The following DNAJC11 variants were observed in gnomAD, a reference collection of about 807,000 sequenced individuals.
DNAJC11 encodes the protein dnaJ homolog subfamily C member 11.
In DNAJC11, 15 loss-of-function variants were observed where a neutral mutation model predicts 78.6. The observed-to-expected ratio is 0.19, with a 90% confidence interval of 0.13 to 0.29. DNAJC11 has a LOEUF of 0.29. Among genes scored for constraint, DNAJC11 ranks in the 10% least tolerant of loss-of-function variants. The pLI is 1.00. For synonymous variants in DNAJC11, 292 were observed against 272.1 expected (o/e 1.07, Z -0.72); for missense variants, 547 against 709.6 (o/e 0.77, Z 2.60).
At chr1:6,651,488 A>G (rs1410559655) in intron 7 of DNAJC11, 41 bp downstream of exon 7, 1 of 1,575,072 alleles carries the variant, frequency 6.3e-7, no homozygotes, top group Admixed American at 1.7e-5. Context: ...TCCTAAGCCA[A>G]CAAAGACCAC....
chr1:6,677,308 T>C (rs575003219), intron 3 of DNAJC11, among the ~76,000 whole-genome samples: 2 of 152,280 alleles, frequency 1.3e-5, no homozygotes, highest in East Asian at 1.9e-4. Flanking sequence ...TTCTTTTTTT[T>C]GTGAGACAGG....
chr1:6,663,356 G>A (rs922028251), intron 4 of DNAJC11, among the ~76,000 whole-genome samples: 4 of 152,114 alleles, frequency 2.6e-5, no homozygotes, highest in Non-Finnish European at 4.4e-5. Context: ...ACAAGATCAC[G>A]AAGGAGGCAG....
intron 1 of DNAJC11, among the ~76,000 whole-genome samples, chr1:6,694,377 C>A (rs1030030212): frequency 6.6e-6 from 1 of 152,116 alleles, no homozygotes; most frequent in African/African-American, 2.4e-5. Context: ...AAGATGCCAA[C>A]TCAATTGCCA....
At chr1:6,640,944 TACA>T (rs1022036242) in intron 10 of DNAJC11, among the ~76,000 whole-genome samples, 34 of 152,138 alleles carry the variant, frequency 2.2e-4, no homozygotes, top group African/African-American at 7.2e-4. Context: ...GCATCATAAA[TACA>T]ACAACAGCCT....
At chr1:6,696,005 G>C (rs1028292300) in intron 1 of DNAJC11, among the ~76,000 whole-genome samples, 15 of 152,274 alleles carry the variant, frequency 9.9e-5, no homozygotes, top group African/African-American at 3.6e-4. Context: ...GAGGTTAAAT[G>C]ACTCGTTGAA....
chr1:6,655,439 C>T (rs1642112552), intron 4 of DNAJC11, among the ~76,000 whole-genome samples: 1 of 152,180 alleles, frequency 6.6e-6, no homozygotes, highest in African/African-American at 2.4e-5. Context: ...CCAAAATTTA[C>T]AAATTTTTTA....
Position 6,644,628 on chromosome 1 carries a change from T to G in DNAJC11, c.1027A>C (p.Ile343Leu). The part of the protein sequence containing the change: ...TVVEYGAERK[I>L]SRHSVLGAAV... ...GCACCCAAAACGCTGTGCCTGGAGA[T>G]CTTCCTCTCAGCTCCGTACTCCACC... is the stretch of plus-strand genomic sequence containing the variant. Residue 343 changes from isoleucine (I) to leucine (L), a missense_variant, in exon 10 of 16, where the codon ATC becomes CTC. By Grantham distance (5) the Ile-to-Leu change is conservative. Transcript: ENST00000377577. The G allele has an allele frequency of 6.2e-7, 1 of 1,614,100 alleles. No individual in the cohort carries two copies. The highest frequency in any genetic ancestry group is 8.5e-7 in the Non-Finnish European group (1 of 1,180,026).
At chr1:6,660,061 CAA>C (rs879582430) in intron 4 of DNAJC11, among the ~76,000 whole-genome samples, 1 of 139,866 alleles carries the variant, frequency 7.1e-6, no homozygotes. Context: ...GTCTCAAAAA[CAA>C]AAAAAAAAAC....
chr1:6,681,004 TCCGGTAGGCAG>T lies in DNAJC11; in HGVS notation c.95_105del (p.Ala32GlufsTer25). The T allele has an allele frequency of 6.2e-7, 1 of 1,613,776 alleles. No homozygotes were observed. Among genetic ancestry groups the T allele is most frequent in the Non-Finnish European group, 8.5e-7 (1 of 1,179,788 alleles). ...TCTGGATGGTAGAGCATACAGAGCC[TCCGGTAGGCAG>T]CTTTCAGCTCTTCAGAAGAGGCCTA... On this transcript the variant is annotated frameshift_variant, in exon 2 of 16. Transcript: ENST00000377577. LOFTEE classifies it high-confidence loss of function.
chr1:6,692,609 A>ATTTTT (rs35568963), intron 1 of DNAJC11, among the ~76,000 whole-genome samples: 14 of 127,376 alleles, frequency 1.1e-4, no homozygotes, highest in Non-Finnish European at 1.7e-4. Flanking sequence ...TGCTTCAGGA[A>ATTTTT]TTTTTTTTTT....
At chr1:6,685,752 T>A (rs1175620293) in intron 1 of DNAJC11, among the ~76,000 whole-genome samples, 1 of 152,230 alleles carries the variant, frequency 6.6e-6, no homozygotes, top group African/African-American at 2.4e-5. Context: ...AGGCTGGGTT[T>A]CCCCGGTTTG....
intron 1 of DNAJC11, among the ~76,000 whole-genome samples, chr1:6,692,008 A>C (rs1642753852): frequency 6.6e-6 from 1 of 152,270 alleles, no homozygotes; most frequent in Non-Finnish European, 1.5e-5. Context: ...GCAGACAATA[A>C]AATTCTACAG....
At chr1:6,685,972 A>T (rs1642649395) in intron 1 of DNAJC11, among the ~76,000 whole-genome samples, 1 of 152,220 alleles carries the variant, frequency 6.6e-6, no homozygotes, top group Non-Finnish European at 1.5e-5. Flanking sequence ...TGACTGTGCT[A>T]TCGTTGGTTC....
intron 4 of DNAJC11, among the ~76,000 whole-genome samples, chr1:6,664,457 C>G (rs1642265827): frequency 6.6e-6 from 1 of 152,072 alleles, no homozygotes; most frequent in African/African-American, 2.4e-5. Flanking sequence ...CCAGGATGGT[C>G]TCGATCTCCT....
chr1:6,653,720 G>T lies in DNAJC11; in HGVS notation c.507+191C>A. The T allele has an allele frequency of 1.5e-6, 1 of 666,848 alleles. No homozygotes were observed. The highest frequency in any genetic ancestry group is 4.1e-5 in the East Asian group (1 of 24,214). The allele number at this position is 666,848 out of a possible 1,614,324, so 41.3% of individuals were successfully genotyped here. A position where few individuals can be genotyped will look rare whatever the true frequency, so the allele number is the denominator to read the frequency against. On this transcript the variant is annotated intron_variant, in intron 5 of 15. Transcript: ENST00000377577. This position sits in a 1 kb window ranked among gnomAD's most constrained non-coding sequence, Gnocchi z 4.5. ...AAGTGCCCCAGCCCACACTCCTGCT[G>T]GCTCACATGCCAGCACAGCGGTAAC...
At chr1:6,697,427 T>C (rs2147888544) in intron 1 of DNAJC11, among the ~76,000 whole-genome samples, 1 of 152,098 alleles carries the variant, frequency 6.6e-6, no homozygotes, top group Non-Finnish European at 1.5e-5. Flanking sequence ...TCATCAGGCA[T>C]TAGTCAAATT....
intron 1 of DNAJC11, among the ~76,000 whole-genome samples, chr1:6,696,500 C>A (rs1332311569): frequency 6.6e-6 from 1 of 152,178 alleles, no homozygotes; most frequent in African/African-American, 2.4e-5. Context: ...ACTCTTCTAG[C>A]CCTTCCTTTC....
At position 6,635,532 on chromosome 1, in the gene DNAJC11, T is replaced by G. The variant is rs1641746798; in HGVS notation, c.*143A>C. Reference sequence around the variant, plus strand: ...AAAAGCTGGGGTGTCTGCATGTCCCTTCACATAATTGATAATGGTACCACC... The same window carrying G: ...AAAAGCTGGGGTGTCTGCATGTCCCGTCACATAATTGATAATGGTACCACC... On this transcript the variant is annotated 3_prime_UTR_variant, in exon 16 of 16. Coordinates refer to ENST00000377577, the MANE Select transcript of DNAJC11 (RefSeq NM_018198.4). 1 of 937,704 alleles carries G rather than the reference T, an allele frequency of 1.1e-6. No individual in the cohort carries two copies. The highest frequency in any genetic ancestry group is 1.7e-5 in the African/African-American group (1 of 59,874). The allele number at this position is 937,704 out of a possible 1,614,324, so 58.1% of individuals were successfully genotyped here. A position where few individuals can be genotyped will look rare whatever the true frequency, so the allele number is the denominator to read the frequency against.
intron 4 of DNAJC11, among the ~76,000 whole-genome samples, chr1:6,656,917 A>G (rs1187287605): frequency 6.6e-6 from 1 of 152,080 alleles, no homozygotes; most frequent in Non-Finnish European, 1.5e-5. Flanking sequence ...CCCTATCTCA[A>G]AGTAAAATAT....
Sources: allele counts gnomAD v4.1 joint callset (sites outside exome capture counted in the v4.1 genomes callset), GRCh38; gene constraint gnomAD v4.1.1; non-coding constraint Gnocchi (gnomAD v3.1); transcripts MANE v1.5; gene names NCBI Gene and HGNC (gene_info 2026-07-23, HGNC 2026-07-21).